Variants in ERBB4 observed in about 807,000 individuals in gnomAD.
ERBB4 encodes the protein erb-b2 receptor tyrosine kinase 4, also known as receptor tyrosine-protein kinase erbB-4.
In ERBB4, 42 loss-of-function variants were observed where a neutral mutation model predicts 158.0. The observed-to-expected ratio is 0.27, with a 90% confidence interval of 0.21 to 0.34. The LOEUF (loss-of-function observed/expected upper bound fraction) is 0.34, where lower values mean the gene tolerates loss of function less well. Ranked by LOEUF, ERBB4 falls within the 10% of genes least tolerant of loss-of-function variation. The pLI is 1.00. For missense variants in ERBB4, 1,333 were observed against 1,624.1 expected (o/e 0.82, Z 3.08); for synonymous variants, 583 against 558.7 (o/e 1.04, Z -0.61).
chr2:211,983,256 G>A (rs1392162384), intron 2 of ERBB4, among the ~76,000 whole-genome samples: 1 of 152,046 alleles, frequency 6.6e-6, no homozygotes, highest in Non-Finnish European at 1.5e-5. Flanking sequence ...AGAAAGAAAT[G>A]GAGTGATTTA....
At chr2:211,701,773 A>G (rs909447006) in intron 12 of ERBB4, among the ~76,000 whole-genome samples, 194 bp downstream of exon 12, 4 of 151,248 alleles carry the variant, frequency 2.6e-5, no homozygotes, top group Non-Finnish European at 5.9e-5. Context: ...AAAAAAAAAA[A>G]AAAAAAAAAA....
chr2:211,669,011 C>T (rs955539000), intron 14 of ERBB4, among the ~76,000 whole-genome samples: 5 of 151,652 alleles, frequency 3.3e-5, no homozygotes, highest in Non-Finnish European at 7.4e-5. Context: ...TCACTTGAGG[C>T]CAGCAGTTCA....
At chr2:211,738,121 C>A (rs2074663938) in intron 5 of ERBB4, among the ~76,000 whole-genome samples, 1 of 151,936 alleles carries the variant, frequency 6.6e-6, no homozygotes, top group Non-Finnish European at 1.5e-5. Context: ...GTGATTTTTA[C>A]CTATTTATAA....
chr2:211,710,743 G>C (rs932453781), intron 9 of ERBB4, among the ~76,000 whole-genome samples: 1 of 151,806 alleles, frequency 6.6e-6, no homozygotes, highest in Non-Finnish European at 1.5e-5. Flanking sequence ...GAGATCTGAT[G>C]GTTTTATACA....
intron 3 of ERBB4, among the ~76,000 whole-genome samples, chr2:211,918,835 C>A (rs1254151666): frequency 6.6e-6 from 1 of 152,038 alleles, no homozygotes; most frequent in Non-Finnish European, 1.5e-5. Flanking sequence ...TGAGAAAGGA[C>A]AAATGTGGAA....
At chr2:211,787,687 T>G (rs1275609035) in intron 4 of ERBB4, among the ~76,000 whole-genome samples, 1 of 152,154 alleles carries the variant, frequency 6.6e-6, no homozygotes. Context: ...CAATGGGATA[T>G]GGGTCACAGA....
intron 2 of ERBB4, among the ~76,000 whole-genome samples, chr2:211,999,497 T>C (rs1397518667): frequency 1.3e-5 from 2 of 151,866 alleles, no homozygotes; most frequent in African/African-American, 2.4e-5. Context: ...TGGAGCTATG[T>C]TTAATTTCAG....
intron 1 of ERBB4, among the ~76,000 whole-genome samples, chr2:212,151,497 G>A (rs1028601124): frequency 6.6e-6 from 1 of 151,314 alleles, no homozygotes; most frequent in Non-Finnish European, 1.5e-5. Flanking sequence ...ACTCCCCCAA[G>A]ATTTGAGTGG....
chr2:211,854,954 T>G (rs2077816089), intron 3 of ERBB4, among the ~76,000 whole-genome samples: 1 of 152,180 alleles, frequency 6.6e-6, no homozygotes, highest in African/African-American at 2.4e-5. Context: ...CCAAAGTGGA[T>G]GTACCAATTT....
intron 20 of ERBB4, among the ~76,000 whole-genome samples, chr2:211,524,804 C>A (rs1013656061): frequency 1.3e-5 from 2 of 152,180 alleles, no homozygotes; most frequent in Non-Finnish European, 2.9e-5. Context: ...TGGCCTTGGC[C>A]AGCCCAGAAA....
chr2:211,845,866 T>G (rs2077575513), intron 3 of ERBB4, among the ~76,000 whole-genome samples: 1 of 152,162 alleles, frequency 6.6e-6, no homozygotes, highest in Non-Finnish European at 1.5e-5. Context: ...GCTAGCCCTT[T>G]TGTTGTCTGG....
intron 5 of ERBB4, among the ~76,000 whole-genome samples, chr2:211,743,523 T>C (rs569926763): frequency 9.9e-5 from 15 of 152,222 alleles, no homozygotes; most frequent in Non-Finnish European, 1.8e-4. Flanking sequence ...TTCATATATC[T>C]TGCAGGGACA....
intron 20 of ERBB4, among the ~76,000 whole-genome samples, chr2:211,479,988 G>A (rs1169464993): frequency 6.6e-6 from 1 of 152,076 alleles, no homozygotes; most frequent in East Asian, 1.9e-4. Flanking sequence ...GCAGAACAAG[G>A]TTGTAGGCAA....
At chr2:211,540,088 C>T (rs942577852) in intron 20 of ERBB4, among the ~76,000 whole-genome samples, 1 of 151,522 alleles carries the variant, frequency 6.6e-6, no homozygotes, top group African/African-American at 2.4e-5. Flanking sequence ...AAATCTATTG[C>T]CTGTGTAAAC....
At chr2:211,543,468 C>T (rs533144080) in intron 20 of ERBB4, among the ~76,000 whole-genome samples, 2 of 152,078 alleles carry the variant, frequency 1.3e-5, no homozygotes, top group South Asian at 2.1e-4. Context: ...TCCCTTCAGG[C>T]ACTGAGATTT....
chr2:211,665,654 A>G (rs779859925), intron 14 of ERBB4, among the ~76,000 whole-genome samples, 177 bp from the exon 15 acceptor site: 2 of 152,234 alleles, frequency 1.3e-5, no homozygotes, highest in Non-Finnish European at 2.9e-5. Flanking sequence ...CAAACAGTGC[A>G]AAGAAGATCC....
intron 20 of ERBB4, among the ~76,000 whole-genome samples, chr2:211,553,298 G>C (rs2067153103): frequency 1.3e-5 from 2 of 152,040 alleles, no homozygotes; most frequent in African/African-American, 4.8e-5. Flanking sequence ...ATAAAAATTA[G>C]AAGCCAAGTT....
intron 4 of ERBB4, among the ~76,000 whole-genome samples, chr2:211,766,818 C>A (rs567220013): frequency 2.2e-4 from 34 of 152,306 alleles, no homozygotes; most frequent in Middle Eastern, 3.4e-3. Context: ...CCTTTTGCAA[C>A]ACCCCACTCC....
chr2:211,931,208 T>C (rs941452759), intron 3 of ERBB4, among the ~76,000 whole-genome samples: 1 of 152,182 alleles, frequency 6.6e-6, no homozygotes, highest in Non-Finnish European at 1.5e-5. Flanking sequence ...TTCCTTTCTT[T>C]GTTTTGCTAT....
Sources: gnomAD v4.1 joint callset for allele counts (sites outside exome capture counted in the v4.1 genomes callset) on GRCh38, gnomAD v4.1.1 for gene constraint, MANE v1.5 for transcripts, NCBI Gene and HGNC (gene_info 2026-07-23, HGNC 2026-07-21) for gene names.